The following CREBBP variants were observed in gnomAD, a reference collection of about 807,000 sequenced individuals.
CREBBP encodes CREB-binding protein.
CREBBP carries 19 observed loss-of-function variants against 265.0 expected under a neutral mutation model. The observed-to-expected ratio is 0.07, with a 90% CI of 0.05 to 0.11. The LOEUF is 0.11. Among genes scored for constraint, CREBBP ranks in the 10% least tolerant of loss-of-function variants. CREBBP has a pLI of 1.00. For synonymous variants in CREBBP, 1,457 were observed against 1,223.7 expected (o/e 1.19, Z -3.98); for missense variants, 2,525 against 3,219.0 (o/e 0.78, Z 5.22).
intron 3 of CREBBP, among the ~76,000 whole-genome samples, chr16:3,801,623 T>A (rs150042327): frequency 1.3e-5 from 2 of 152,186 alleles, no homozygotes; most frequent in African/African-American, 2.4e-5. Context: ...TGAGCAGAGA[T>A]TGCGCCACTG....
chr16:3,849,425 GTGTGTGTGTGTGTGTGTGTGTGTGTGTGT>G (rs2054748433), intron 2 of CREBBP, among the ~76,000 whole-genome samples: 40 of 10,586 alleles, frequency 3.8e-3, no homozygotes, highest in Non-Finnish European at 0.013. Context: ...GTGTGTGTGT[GTGTGTGTGTGTGTGTGTGTGTGTGTGTGT>G]GTGTGTGTGT....
At chr16:3,774,189 T>A (rs1392804381) in intron 12 of CREBBP, among the ~76,000 whole-genome samples, 2 of 152,200 alleles carry the variant, frequency 1.3e-5, no homozygotes, top group Non-Finnish European at 2.9e-5. Flanking sequence ...TAGCAGGCTA[T>A]AATTTAAAGT....
At chr16:3,859,960 AC>A (rs1002147767) in intron 1 of CREBBP, among the ~76,000 whole-genome samples, 18 of 152,146 alleles carry the variant, frequency 1.2e-4, no homozygotes, top group Non-Finnish European at 5.9e-5. Context: ...GCTTGTGGGA[AC>A]CCCATTTATA....
intron 2 of CREBBP, among the ~76,000 whole-genome samples, chr16:3,835,239 A>C (rs2054421169): frequency 6.6e-6 from 1 of 152,158 alleles, no homozygotes; most frequent in South Asian, 2.1e-4. Flanking sequence ...TCAATAGAAC[A>C]GACTAGAACA....
At chr16:3,872,590 C>G (rs74003436) in intron 1 of CREBBP, among the ~76,000 whole-genome samples, 1 of 152,098 alleles carries the variant, frequency 6.6e-6, no homozygotes, top group Admixed American at 6.5e-5. Context: ...GGAGTGTATC[C>G]GGAGGGATGC....
chr16:3,834,024 T>C lies in CREBBP; in HGVS notation c.798+16273A>G, dbSNP rs555721302. On this transcript the variant is annotated intron_variant, in intron 2 of 30. Transcript: ENST00000262367. ...GATGGCAAATAAGCGTATGAAAAGATGACCCACATCTTATCACAGAAATGC... is the reference window on the plus strand; with the variant it reads ...GATGGCAAATAAGCGTATGAAAAGACGACCCACATCTTATCACAGAAATGC... 1.3e-4 allele frequency among the ~76,000 whole-genome samples: 20 copies of C among 152,290 alleles called. No homozygotes were observed. In the South Asian group the frequency reaches 3.5e-3, roughly 27 times the overall value.
chr16:3,790,890 G>A (rs1185799488), intron 5 of CREBBP, among the ~76,000 whole-genome samples: 3 of 152,184 alleles, frequency 2.0e-5, no homozygotes, highest in African/African-American at 7.2e-5. Flanking sequence ...TAGGAACAAA[G>A]CACTTTTTCC....
intron 5 of CREBBP, among the ~76,000 whole-genome samples, chr16:3,783,418 G>T (rs1291121585): frequency 6.6e-6 from 1 of 152,206 alleles, no homozygotes; most frequent in Non-Finnish European, 1.5e-5. Flanking sequence ...TACCTGGTCG[G>T]TCAGTTTTGA....
chr16:3,777,464 C>A, intron 11 of CREBBP, 149 bp downstream of exon 11: 1 of 810,300 alleles, frequency 1.2e-6, no homozygotes, highest in Non-Finnish European at 2.1e-6. Context: ...ATCCATACTA[C>A]CTGTAGAACT....
rs1008980597 is a variant in CREBBP, at chr16:3,726,636, A to G, written c.*1082T>C. On this transcript the variant is annotated 3_prime_UTR_variant, in exon 31 of 31. Transcript: ENST00000262367. ...TTAAACATTCTTACAGGGATCTTAA[A>G]GAACAGAATACATGTTAAAAACCTC... 1 of 233,750 alleles carries G rather than the reference A, an allele frequency of 4.3e-6. No homozygotes were observed. Among genetic ancestry groups the G allele is most frequent in the South Asian group, 1.8e-4 (1 of 5,534 alleles). 14.5% of individuals were successfully genotyped at this position (233,750 alleles called of 1,614,324 possible).
In CREBBP at chr16:3,729,283, G is replaced by A; in HGVS notation, c.5764C>T (p.Pro1922Ser). Residue 1922 changes from proline (P) to serine (S), a missense_variant, in exon 31 of 31, where the codon CCC becomes TCC. This residue lies in a region of CREBBP where 275 missense variants were observed against 276.5 expected (regional missense o/e 0.99). Coordinates refer to ENST00000262367, the MANE Select transcript of CREBBP (RefSeq NM_004380.3). ...SPVSMSPAGF[P>S]SVARTQPPTT... ...GGGGGCTGAGTCCGGGCCACGCTGGGGAAGCCAGCTGGTGACATGCTCACG... is the reference window on the plus strand; with the variant it reads ...GGGGGCTGAGTCCGGGCCACGCTGGAGAAGCCAGCTGGTGACATGCTCACG... 6.5e-7 allele frequency: 1 copy of A among 1,536,472 alleles called. No individual in the cohort carries two copies.
intron 25 of CREBBP, 155 bp downstream of exon 25, chr16:3,739,423 G>A: frequency 1.1e-6 from 1 of 875,886 alleles, no homozygotes; most frequent in Non-Finnish European, 1.8e-6. Context: ...TAGTTTAATG[G>A]AAAACAAAAC....
intron 1 of CREBBP, among the ~76,000 whole-genome samples, chr16:3,875,232 C>A (rs555002850): frequency 2.0e-5 from 3 of 152,192 alleles, no homozygotes; most frequent in African/African-American, 4.8e-5. Flanking sequence ...CCCTCTAAGG[C>A]GCCCTGCACA....
At chr16:3,797,597 G>GTCTC (rs752609484) in intron 3 of CREBBP, among the ~76,000 whole-genome samples, 1 of 149,692 alleles carries the variant, frequency 6.7e-6, no homozygotes, top group African/African-American at 2.4e-5. Context: ...CATGAATGTG[G>GTCTC]TCTCTCTCTC....
intron 25 of CREBBP, chr16:3,739,367 A>T: frequency 1.6e-6 from 1 of 625,420 alleles, no homozygotes; most frequent in Non-Finnish European, 2.7e-6. Flanking sequence ...CAGACTCGCC[A>T]CACAAAACAC....
At chr16:3,804,456 T>C (rs2053788888) in intron 3 of CREBBP, among the ~76,000 whole-genome samples, 1 of 151,944 alleles carries the variant, frequency 6.6e-6, no homozygotes, top group Non-Finnish European at 1.5e-5. Context: ...TCTCAAAGGG[T>C]TGTGGAAAAG....
chr16:3,765,129 A>G (rs927097496), intron 16 of CREBBP, among the ~76,000 whole-genome samples: 2 of 151,968 alleles, frequency 1.3e-5, no homozygotes, highest in Non-Finnish European at 2.9e-5. Context: ...GCCCGCCACC[A>G]CGCCCGCATA....
chr16:3,793,736 G>A (rs979676963), intron 3 of CREBBP, 110 bp from the exon 4 acceptor site: 30 of 1,317,408 alleles, frequency 2.3e-5, no homozygotes, highest in Admixed American at 4.1e-5. Flanking sequence ...ACCGACCACA[G>A]AGAGAAGGCT....
At chr16:3,874,992 T>A (rs533811767) in intron 1 of CREBBP, among the ~76,000 whole-genome samples, 5 of 152,312 alleles carry the variant, frequency 3.3e-5, no homozygotes, top group South Asian at 4.1e-4. Context: ...CCTAACTGTT[T>A]TCAAATACAT....
Sources: gnomAD v4.1 joint callset for allele counts (sites outside exome capture counted in the v4.1 genomes callset) on GRCh38, gnomAD v4.1.1 for gene constraint, gnomAD v4.1.1 regional missense constraint, MANE v1.5 for transcripts, NCBI Gene and HGNC (gene_info 2026-07-23, HGNC 2026-07-21) for gene names.